CLYBL: variants seen among roughly 807,000 people sequenced by gnomAD.
CLYBL encodes the protein citramalyl-CoA lyase, also known as citramalyl-CoA lyase, mitochondrial.
CLYBL carries 31 observed loss-of-function variants against 38.9 expected under a neutral mutation model. The ratio of observed to expected loss-of-function variants is 0.80; its 90% CI spans 0.60 to 1.08. CLYBL has a LOEUF of 1.08. Among genes scored for constraint, CLYBL ranks in the 50% least tolerant of loss-of-function variants. The probability of loss-of-function intolerance (pLI) is 0.00; values close to 1 mark genes in which losing one functional copy is unlikely to be tolerated. For missense variants in CLYBL, 434 were observed against 411.6 expected (o/e 1.05, Z -0.47); for synonymous variants, 171 against 158.6 (o/e 1.08, Z -0.59).
At chr13:99,659,682 A>G (rs2047381598) in intron 1 of CLYBL, among the ~76,000 whole-genome samples, 1 of 152,226 alleles carries the variant, frequency 6.6e-6, no homozygotes. Flanking sequence ...AAATTAATGC[A>G]TGCCGTTGAA....
At chr13:99,736,629 A>G (rs148000277) in intron 1 of CLYBL, among the ~76,000 whole-genome samples, 12 of 152,124 alleles carry the variant, frequency 7.9e-5, no homozygotes, top group African/African-American at 2.7e-4. Context: ...AGGAGATGAA[A>G]TCTATGGTCC....
intron 1 of CLYBL, among the ~76,000 whole-genome samples, chr13:99,761,342 G>A (rs1391413506): frequency 6.6e-6 from 1 of 152,228 alleles, no homozygotes; most frequent in East Asian, 1.9e-4. Flanking sequence ...GACAGAGTGA[G>A]ACGCCAACTC....
At chr13:99,838,849 C>A (rs1233260886) in intron 2 of CLYBL, among the ~76,000 whole-genome samples, 2 of 152,116 alleles carry the variant, frequency 1.3e-5, no homozygotes, top group Non-Finnish European at 2.9e-5. Flanking sequence ...CTGTGTTAGC[C>A]AGTATGGTCT....
At chr13:99,683,497 T>C (rs2047769182) in intron 1 of CLYBL, among the ~76,000 whole-genome samples, 4 of 152,152 alleles carry the variant, frequency 2.6e-5, no homozygotes, top group Admixed American at 2.6e-4. Flanking sequence ...TTTTATATTT[T>C]TAATTTTTAT....
chr13:99,877,972 CA>C (rs532513171), intron 7 of CLYBL, among the ~76,000 whole-genome samples: 3 of 150,308 alleles, frequency 2.0e-5, no homozygotes, highest in African/African-American at 7.3e-5. Flanking sequence ...CAGTGGGCCT[CA>C]AAAAAAAAGT....
At chr13:99,701,922 T>G (rs2048072812) in intron 1 of CLYBL, among the ~76,000 whole-genome samples, 1 of 152,168 alleles carries the variant, frequency 6.6e-6, no homozygotes, top group Non-Finnish European at 1.5e-5. Flanking sequence ...TCTGCCCATC[T>G]TGGCCTCCCA....
intron 7 of CLYBL, among the ~76,000 whole-genome samples, chr13:99,880,068 A>ATATATTT (rs34063235): frequency 0.031 from 3,149 of 101,142 alleles, 88 homozygotes; most frequent in African/African-American, 0.04. Context: ...ATATATATAT[A>ATATATTT]TTTTTTTTTT....
At chr13:99,901,642 TTTG>T (rs1245577095), downstream of CLYBL, among the ~76,000 whole-genome samples, 9 of 30,314 alleles carry the variant, frequency 3.0e-4, no homozygotes, top group Non-Finnish European at 6.3e-4. Context: ...TTTGGATTTT[TTTG>T]TTTTTTTTTT....
intron 1 of CLYBL, among the ~76,000 whole-genome samples, chr13:99,641,388 G>A (rs1361418689): frequency 2.0e-5 from 3 of 152,086 alleles, no homozygotes; most frequent in Admixed American, 1.3e-4. Flanking sequence ...AGTACAACAC[G>A]GCCAGGTGCA....
chr13:99,765,297 C>CT (rs1314532452), intron 1 of CLYBL, among the ~76,000 whole-genome samples: 2 of 152,046 alleles, frequency 1.3e-5, no homozygotes, highest in Non-Finnish European at 2.9e-5. Context: ...ATTGGAGTGC[C>CT]TTTATATGTT....
intron 7 of CLYBL, chr13:99,885,194 C>A: frequency 2.3e-6 from 1 of 443,018 alleles, no homozygotes. Flanking sequence ...GATGGGAACA[C>A]AGGCTATACA....
At chr13:99,680,303 C>T (rs1214239157) in intron 1 of CLYBL, among the ~76,000 whole-genome samples, 1 of 152,192 alleles carries the variant, frequency 6.6e-6, no homozygotes, top group Non-Finnish European at 1.5e-5. Flanking sequence ...TCCACCCTTC[C>T]ATAAAAACGT....
chr13:99,747,210 TC>T (rs1191870898), intron 1 of CLYBL, among the ~76,000 whole-genome samples: 12 of 132,458 alleles, frequency 9.1e-5, no homozygotes, highest in African/African-American at 2.3e-4. Context: ...TCCTCTCCTC[TC>T]CCCCCCGCCC....
chr13:99,818,470 CACACACACACACACGG>C (rs1468600216), intron 2 of CLYBL, among the ~76,000 whole-genome samples: 2 of 151,962 alleles, frequency 1.3e-5, no homozygotes, highest in East Asian at 3.9e-4. Context: ...CACACACACA[CACACACACACACACGG>C]ACACACACTG....
chr13:99,742,059 G>A (rs2048766582), intron 1 of CLYBL, among the ~76,000 whole-genome samples: 1 of 152,326 alleles, frequency 6.6e-6, no homozygotes, highest in East Asian at 1.9e-4. Flanking sequence ...TGATTTGAAT[G>A]TTCACTTGCA....
Position 99,866,326 on chromosome 13 carries a change from A to T in CLYBL, c.721A>T (p.Ile241Leu). 6.2e-7 allele frequency: 1 copy of T among 1,613,910 alleles called. No homozygotes were observed. Among genetic ancestry groups the T allele is most frequent in the Non-Finnish European group, 8.5e-7 (1 of 1,179,952 alleles). Residue 241 changes from isoleucine (I) to leucine (L), a missense_variant, in exon 6 of 9, where the codon ATA (isoleucine) becomes TTA (leucine). Physicochemically the swap from Ile to Leu is conservative, Grantham distance 5. Transcript: ENST00000339105. ...VIAKAFGLQA[I>L]DLVYIDFRDG... The stretch of plus-strand genomic sequence containing the variant: ...AGCGAAAGCCTTTGGTCTCCAAGCC[A>T]TAGATCTGGTGTACATTGACTTTCG...
chr13:99,857,252 T>C (rs2051481332), intron 2 of CLYBL, among the ~76,000 whole-genome samples: 1 of 151,938 alleles, frequency 6.6e-6, no homozygotes, highest in Non-Finnish European at 1.5e-5. Flanking sequence ...GAGGCAGAGA[T>C]TGCAGTGAGC....
intron 1 of CLYBL, among the ~76,000 whole-genome samples, chr13:99,716,202 TTTTTTA>T: frequency 8.5e-6 from 1 of 118,164 alleles, no homozygotes; most frequent in Non-Finnish European, 1.8e-5. Context: ...TTTTTTTTTT[TTTTTTA>T]GAGACAAGGT....
chr13:99,767,339 G>A (rs9554634), intron 1 of CLYBL, among the ~76,000 whole-genome samples: 25,300 of 151,826 alleles, frequency 0.17, 2,634 homozygotes, highest in East Asian at 0.37. Context: ...GGAGGGGTGG[G>A]TACTAAAGCC....
Sources: gnomAD v4.1 joint callset for allele counts (sites outside exome capture counted in the v4.1 genomes callset) on GRCh38, gnomAD v4.1.1 for gene constraint, MANE v1.5 for transcripts, NCBI Gene and HGNC (gene_info 2026-07-23, HGNC 2026-07-21) for gene names.